Variants in CMSS1 observed in about 807,000 individuals in gnomAD.
CMSS1 encodes cms1 ribosomal small subunit homolog, also known as protein CMSS1.
In CMSS1, 33 loss-of-function variants were observed where a neutral mutation model predicts 43.5. That is an observed-to-expected ratio of 0.76 (90% CI 0.57 to 1.01). The LOEUF is 1.01. Ranked by LOEUF, CMSS1 falls within the 50% of genes least tolerant of loss-of-function variation. The pLI is 0.00. For synonymous variants in CMSS1, 115 were observed against 117.2 expected (o/e 0.98, Z 0.12); for missense variants, 313 against 326.4 (o/e 0.96, Z 0.32).
At chr3:99,908,856 C>CA (rs926024597) in intron 1 of CMSS1, among the ~76,000 whole-genome samples, 11 of 151,194 alleles carry the variant, frequency 7.3e-5, no homozygotes, top group Middle Eastern at 3.4e-3. Context: ...CTACCATCTA[C>CA]AAAAAAAAAT....
At chr3:99,982,311 A>T (rs2107734161) in intron 1 of CMSS1, among the ~76,000 whole-genome samples, 1 of 151,810 alleles carries the variant, frequency 6.6e-6, no homozygotes, top group South Asian at 2.1e-4. Context: ...ATGAATGAAG[A>T]GCAAACTTTC....
intron 1 of CMSS1, among the ~76,000 whole-genome samples, chr3:99,989,668 A>C (rs923648417): frequency 2.1e-5 from 3 of 140,102 alleles, no homozygotes; most frequent in Non-Finnish European, 4.6e-5. Context: ...CTTCCTCTAT[A>C]TATATATATA....
At chr3:100,106,874 T>C (rs1461636769) in intron 1 of CMSS1, among the ~76,000 whole-genome samples, 1 of 152,168 alleles carries the variant, frequency 6.6e-6, no homozygotes. Context: ...TTTAAAAATA[T>C]GCAGAAAGTT....
rs368749049 is a variant in CMSS1 at position 100,140,156 on chromosome 3, A to G, written c.65-6817A>G. ...TTCCATTAATTTGTAACACTTGCCC[A>G]ACATCACACAACTAATAATTGCTGA... On this transcript the variant is annotated intron_variant, in intron 1 of 9. Transcript: ENST00000421999. Among the ~76,000 whole-genome samples, 384 of 152,354 alleles carry G rather than the reference A, an allele frequency of 2.5e-3. 4 individuals are homozygous for G. The highest frequency in any genetic ancestry group is 8.8e-3 in the African/African-American group (367 of 41,580).
At chr3:100,098,557 C>T (rs1224371145) in intron 1 of CMSS1, among the ~76,000 whole-genome samples, 1 of 152,190 alleles carries the variant, frequency 6.6e-6, no homozygotes, top group Non-Finnish European at 1.5e-5. Flanking sequence ...TTGTATTATT[C>T]ATAATTGAAC....
At chr3:99,905,467 T>C (rs553793847) in intron 1 of CMSS1, among the ~76,000 whole-genome samples, 42 of 152,332 alleles carry the variant, frequency 2.8e-4, no homozygotes, top group African/African-American at 8.9e-4. Flanking sequence ...TTTGTATGTC[T>C]TGCATCTTTA....
chr3:99,925,761 T>C (rs902285019), intron 1 of CMSS1: 1 of 652,546 alleles, frequency 1.5e-6, no homozygotes, highest in African/African-American at 2.0e-5. Context: ...TTGGTGGAAG[T>C]GGAGGTGACC....
At chr3:100,078,788 G>A (rs1037587712) in intron 1 of CMSS1, among the ~76,000 whole-genome samples, 1 of 152,072 alleles carries the variant, frequency 6.6e-6, no homozygotes, top group African/African-American at 2.4e-5. Context: ...CTACTCGGGA[G>A]GCTAAGGCCG....
At chr3:99,881,603 G>A (rs1438287160) in intron 1 of CMSS1, among the ~76,000 whole-genome samples, 2 of 151,840 alleles carry the variant, frequency 1.3e-5, no homozygotes, top group African/African-American at 4.8e-5. Flanking sequence ...TGCAAGCTCG[G>A]CTCACTGCAA....
intron 1 of CMSS1, chr3:99,848,041 A>T: frequency 8.1e-7 from 1 of 1,233,048 alleles, no homozygotes; most frequent in Non-Finnish European, 1.0e-6. Flanking sequence ...GTATTTATAC[A>T]AGTGCAGACT....
At chr3:100,074,937 A>G (rs1031747958) in intron 1 of CMSS1, among the ~76,000 whole-genome samples, 1 of 151,820 alleles carries the variant, frequency 6.6e-6, no homozygotes, top group African/African-American at 2.4e-5. Context: ...CAAGTGATCC[A>G]CCAGCCTTAT....
chr3:99,875,238 T>A (rs1461031067), intron 1 of CMSS1, among the ~76,000 whole-genome samples: 3 of 152,234 alleles, frequency 2.0e-5, no homozygotes. Flanking sequence ...AGTGTTCAGT[T>A]ATCATACTGT....
At chr3:99,890,637 C>T (rs1706054368) in intron 1 of CMSS1, among the ~76,000 whole-genome samples, 1 of 151,912 alleles carries the variant, frequency 6.6e-6, no homozygotes, top group Non-Finnish European at 1.5e-5. Flanking sequence ...ACAGTTGTTA[C>T]CTATTTCATT....
chr3:100,148,319 T>A (rs2066872297), intron 2 of CMSS1, among the ~76,000 whole-genome samples: 2 of 152,084 alleles, frequency 1.3e-5, no homozygotes, highest in Admixed American at 1.3e-4. Flanking sequence ...GCTCAAGTGA[T>A]CCTCTTTCCC....
chr3:99,896,881 T>C (rs1706272560), intron 1 of CMSS1, among the ~76,000 whole-genome samples: 1 of 152,208 alleles, frequency 6.6e-6, no homozygotes, highest in African/African-American at 2.4e-5. Context: ...CAAATCAGTG[T>C]ATACAACGGG....
intron 9 of CMSS1, 128 bp downstream of exon 9, chr3:100,176,543 T>A (rs1237309001): frequency 1.6e-6 from 1 of 621,202 alleles, no homozygotes; most frequent in African/African-American, 1.9e-5. Flanking sequence ...CTATCTTTTT[T>A]AACTCTGAGC....
intron 1 of CMSS1, among the ~76,000 whole-genome samples, chr3:100,079,852 TAAAA>T (rs1190162841): frequency 2.0e-5 from 3 of 152,204 alleles, no homozygotes; most frequent in Non-Finnish European, 4.4e-5. Flanking sequence ...CTCTATTATT[TAAAA>T]AATAACTAAC....
At chr3:99,829,803 C>T (rs1942614911) in intron 1 of CMSS1, among the ~76,000 whole-genome samples, 1 of 152,192 alleles carries the variant, frequency 6.6e-6, no homozygotes, top group African/African-American at 2.4e-5. Context: ...GGTATGCTTA[C>T]TACACCAGTG....
Position 100,060,097 on chromosome 3 carries a change from C to T in CMSS1, c.65-86876C>T, listed in dbSNP as rs114364424. 3.2e-3 allele frequency among the ~76,000 whole-genome samples: 488 copies of T among 152,118 alleles called. 2 individuals carry two copies. Among genetic ancestry groups the T allele is most frequent in the African/African-American group, 0.011 (461 of 41,482 alleles). ...CAGGTACATGTGCCCTCAGCTGTGC[C>T]GGGTATGGTAAAGGGATTTGAGGAA... On this transcript the variant is annotated intron_variant, in intron 1 of 9. Coordinates refer to ENST00000421999, the MANE Select transcript of CMSS1 (RefSeq NM_032359.4).
Sources: gnomAD v4.1 joint callset for allele counts (sites outside exome capture counted in the v4.1 genomes callset) on GRCh38, gnomAD v4.1.1 for gene constraint, MANE v1.5 for transcripts, NCBI Gene and HGNC (gene_info 2026-07-23, HGNC 2026-07-21) for gene names.